RAD51B: variants seen among roughly 807,000 people sequenced by gnomAD.
RAD51B encodes DNA repair protein RAD51 homolog 2.
In RAD51B, 38 loss-of-function variants were observed where a neutral mutation model predicts 42.2. That is an observed-to-expected ratio of 0.90 (90% CI 0.70 to 1.18). The LOEUF (loss-of-function observed/expected upper bound fraction) is 1.18, where lower values mean the gene tolerates loss of function less well. RAD51B is among the 50% of genes most tolerant of loss of function. RAD51B has a pLI of 0.00. For missense variants in RAD51B, 373 were observed against 400.7 expected (o/e 0.93, Z 0.59); for synonymous variants, 154 against 145.2 (o/e 1.06, Z -0.43).
At chr14:68,000,000 A>G (rs991074185) in intron 7 of RAD51B, among the ~76,000 whole-genome samples, 4 of 152,112 alleles carry the variant, frequency 2.6e-5, no homozygotes, top group African/African-American at 9.7e-5. Flanking sequence ...GGTCTTAAAA[A>G]CAAACAAACA....
chr14:67,990,181 A>G (rs1157720830), intron 7 of RAD51B, among the ~76,000 whole-genome samples: 1 of 151,830 alleles, frequency 6.6e-6, no homozygotes, highest in East Asian at 1.9e-4. Flanking sequence ...TATTTTTAGT[A>G]GAGATGGGGT....
At chr14:68,243,888 G>T (rs2080441658) in intron 7 of RAD51B, among the ~76,000 whole-genome samples, 1 of 152,134 alleles carries the variant, frequency 6.6e-6, no homozygotes, top group African/African-American at 2.4e-5. Context: ...ATGAACAGAG[G>T]CTTCCTCTCA....
chr14:68,234,256 G>A (rs1331988093), intron 7 of RAD51B, among the ~76,000 whole-genome samples: 3 of 152,174 alleles, frequency 2.0e-5, no homozygotes, highest in African/African-American at 7.2e-5. Context: ...AGCAGCCTTG[G>A]GGAATGATGA....
chr14:68,631,196 G>T (rs541541546), intron 10 of RAD51B, among the ~76,000 whole-genome samples: 11 of 152,346 alleles, frequency 7.2e-5, no homozygotes, highest in African/African-American at 2.6e-4. Context: ...GTCAAAGACT[G>T]TGTCTAAAAG....
intron 7 of RAD51B, among the ~76,000 whole-genome samples, chr14:67,935,225 T>G (rs1024752901): frequency 6.6e-6 from 1 of 152,184 alleles, no homozygotes; most frequent in African/African-American, 2.4e-5. Context: ...GACCATCCTT[T>G]AAGATTTTTT....
chr14:68,355,921 T>C (rs891369767), intron 8 of RAD51B, among the ~76,000 whole-genome samples: 1 of 152,250 alleles, frequency 6.6e-6, no homozygotes, highest in Non-Finnish European at 1.5e-5. Context: ...CATTTATGCA[T>C]TTCCCAATTA....
At chr14:68,543,489 T>C (rs190497299) in intron 10 of RAD51B, among the ~76,000 whole-genome samples, 16 of 152,260 alleles carry the variant, frequency 1.1e-4, no homozygotes, top group Admixed American at 2.6e-4. Context: ...TGGAGAAAAA[T>C]TCTTCGGTTG....
intron 7 of RAD51B, among the ~76,000 whole-genome samples, chr14:68,040,139 T>G (rs2140393141): frequency 1.3e-5 from 2 of 152,352 alleles, no homozygotes; most frequent in South Asian, 4.1e-4. Context: ...AGGATGAAGA[T>G]GAGTATCATT....
At chr14:68,372,356 T>G (rs964873561) in intron 8 of RAD51B, among the ~76,000 whole-genome samples, 5 of 151,226 alleles carry the variant, frequency 3.3e-5, no homozygotes, top group African/African-American at 1.2e-4. Flanking sequence ...CAAAGGAGGT[T>G]TTTTTTTTAA....
chr14:68,046,871 G>A (rs535264198), intron 7 of RAD51B, among the ~76,000 whole-genome samples: 2 of 152,138 alleles, frequency 1.3e-5, no homozygotes, highest in South Asian at 4.2e-4. Flanking sequence ...TTGCATTTCA[G>A]TGTAGTGTTT....
rs528710616 is a variant in RAD51B at position 67,976,478 on chromosome 14, T to A, written c.756+89274T>A. ...ATTTTATATATTTTTATTATTATTA[T>A]ACTTTAAGTTTTAGGATACATGTGC... On this transcript the variant is annotated intron_variant, in intron 7 of 10. Coordinates refer to ENST00000471583, the MANE Select transcript of RAD51B (RefSeq NM_133510.4). Among the ~76,000 whole-genome samples the A allele has an allele frequency of 7.3e-5, 11 of 151,720 alleles. No individual in the cohort carries two copies. The East Asian group carries it at 1.7e-3, about 24-fold the overall frequency.
At chr14:68,620,875 C>T (rs1370637752) in intron 10 of RAD51B, among the ~76,000 whole-genome samples, 2 of 152,156 alleles carry the variant, frequency 1.3e-5, no homozygotes, top group Non-Finnish European at 2.9e-5. Context: ...TAAAGGAGAA[C>T]CTATGGATGG....
At chr14:68,545,006 A>G (rs1888147887) in intron 10 of RAD51B, among the ~76,000 whole-genome samples, 1 of 152,188 alleles carries the variant, frequency 6.6e-6, no homozygotes. Flanking sequence ...GTTAGGTTTC[A>G]CTTAAGGTCC....
chr14:68,216,475 A>C (rs912782554), intron 7 of RAD51B, among the ~76,000 whole-genome samples: 1 of 152,308 alleles, frequency 6.6e-6, no homozygotes, highest in Non-Finnish European at 1.5e-5. Context: ...TAACTTTCCT[A>C]AAGTGAACTC....
At chr14:67,861,765 C>T (rs2042172150) in intron 4 of RAD51B, among the ~76,000 whole-genome samples, 1 of 152,034 alleles carries the variant, frequency 6.6e-6, no homozygotes, top group African/African-American at 2.4e-5. Context: ...AATGTTTTAA[C>T]AAGGAGTGAA....
intron 10 of RAD51B, among the ~76,000 whole-genome samples, chr14:68,646,589 CT>C (rs1398007399): frequency 1.2e-4 from 19 of 152,190 alleles, no homozygotes; most frequent in African/African-American, 4.6e-4. Context: ...GTTCTAATCT[CT>C]AGGTCTTTCA....
At chr14:67,854,028 T>G in intron 4 of RAD51B, among the ~76,000 whole-genome samples, 1 of 152,220 alleles carries the variant, frequency 6.6e-6, no homozygotes, top group South Asian at 2.1e-4. Flanking sequence ...TTGTATTATG[T>G]GGAGATCAAA....
chr14:68,477,673 T>C lies in RAD51B; in HGVS notation c.*9T>C, dbSNP rs1189739916. 2.5e-6 allele frequency: 4 copies of C among 1,612,576 alleles called. No individual in the cohort carries two copies. The highest frequency in any genetic ancestry group is 3.4e-6 in the Non-Finnish European group (4 of 1,179,572). ...GCCAAGAGAAGCCATAGGGATACTG[T>C]GACCTTTGTCTAGAGTTGATGGGGG... On this transcript the variant is annotated 3_prime_UTR_variant, in exon 11 of 11. Coordinates refer to ENST00000471583, the MANE Select transcript of RAD51B (RefSeq NM_133510.4).
intron 9 of RAD51B, among the ~76,000 whole-genome samples, chr14:68,434,300 G>A (rs755954573): frequency 6.6e-6 from 1 of 151,986 alleles, no homozygotes; most frequent in Non-Finnish European, 1.5e-5. Flanking sequence ...GTCTGCAGAG[G>A]TTTCTGCTGC....
Sources: gnomAD v4.1 joint callset for allele counts (sites outside exome capture counted in the v4.1 genomes callset) on GRCh38, gnomAD v4.1.1 for gene constraint, MANE v1.5 for transcripts, NCBI Gene and HGNC (gene_info 2026-07-23, HGNC 2026-07-21) for gene names.